FGF13: variants seen among roughly 807,000 people sequenced by gnomAD.
FGF13 encodes fibroblast growth factor 13.
In FGF13, 2 loss-of-function variants were observed where a neutral mutation model predicts 19.5. The ratio of observed to expected loss-of-function variants is 0.10; its 90% CI spans 0.04 to 0.32. The LOEUF is 0.32. FGF13 is among the 10% of genes least tolerant of loss of function. The probability of loss-of-function intolerance (pLI) is 1.00; values close to 1 mark genes in which losing one functional copy is unlikely to be tolerated. For synonymous variants in FGF13, 72 were observed against 76.9 expected (o/e 0.94, Z 0.33); for missense variants, 113 against 192.7 (o/e 0.59, Z 2.45).
chrX:138,895,551 G>T (rs2091499931), intron 1 of FGF13, among the ~76,000 whole-genome samples: 1 of 111,996 alleles, frequency 8.9e-6, no homozygotes, highest in Non-Finnish European at 1.9e-5. Context: ...TTTGTACAGT[G>T]TTAGTGGGAA....
At chrX:139,048,563 GTT>G (rs754951194) in intron 1 of FGF13, among the ~76,000 whole-genome samples, 940 of 88,672 alleles carry the variant, frequency 0.011, 16 homozygotes, top group African/African-American at 0.035. Context: ...TACAGCTCTT[GTT>G]TTTTTTTTTT....
intron 1 of FGF13, among the ~76,000 whole-genome samples, chrX:139,099,377 C>CAAAAAAAAAAAAAAAAAAAA (rs59882808): frequency 2.1e-4 from 7 of 32,951 alleles, no homozygotes; most frequent in African/African-American, 3.3e-4. Context: ...GTTTCTATCT[C>CAAAAAAAAAAAAAAAAAAAA]AAAAAAAAAA....
chrX:138,801,028 C>T (rs1391536840), intron 3 of FGF13, among the ~76,000 whole-genome samples: 1 of 112,010 alleles, frequency 8.9e-6, no homozygotes, highest in Non-Finnish European at 1.9e-5. Context: ...GCAGAACATG[C>T]TCCCTTAGCT....
At chrX:138,842,795 A>C (rs2091158244) in intron 3 of FGF13, among the ~76,000 whole-genome samples, 1 of 110,979 alleles carries the variant, frequency 9.0e-6, no homozygotes, top group Admixed American at 9.7e-5. Context: ...TTGACAACAG[A>C]ATTATCTAGC....
At chrX:139,103,974 T>A (rs1415665005) in intron 1 of FGF13, among the ~76,000 whole-genome samples, 2 of 111,541 alleles carry the variant, frequency 1.8e-5, no homozygotes, top group Non-Finnish European at 3.8e-5. Context: ...CAGATCTGCC[T>A]CGGCCACTAA....
intron 1 of FGF13, among the ~76,000 whole-genome samples, chrX:139,009,699 C>T (rs2092119843): frequency 9.0e-6 from 1 of 111,318 alleles, no homozygotes; most frequent in Admixed American, 9.6e-5. Flanking sequence ...AATAGAACCT[C>T]ATTAAAGCAT....
intron 1 of FGF13, among the ~76,000 whole-genome samples, chrX:138,957,303 C>G (rs922733809): frequency 2.7e-5 from 3 of 111,913 alleles, no homozygotes; most frequent in Admixed American, 1.9e-4. Flanking sequence ...AAGCTTGGCA[C>G]AGCTGCTGGG....
rs142568876 is a variant in FGF13 at position 138,934,206 on chromosome X, G to C, written c.-112-69556C>G. On this transcript the variant is annotated intron_variant, in intron 1 of 2. Coordinates refer to the FGF13 transcript ENST00000421460. ...AGGGGCTCCTACACTACTCAGATAT[G>C]TGGCAAGTAGAGGAACAATTATACC... Among the ~76,000 whole-genome samples the C allele has an allele frequency of 5.1e-3, 564 of 111,614 alleles. 1 individual carries two copies. Among genetic ancestry groups the C allele is most frequent in the Non-Finnish European group, 7.1e-3 (375 of 53,173 alleles).
At chrX:139,013,360 G>C (rs1204091455) in intron 1 of FGF13, among the ~76,000 whole-genome samples, 9 of 107,400 alleles carry the variant, frequency 8.4e-5, no homozygotes, top group Middle Eastern at 4.8e-3. Context: ...CCAGAGGAAA[G>C]GAAGTCATTA....
intron 1 of FGF13, among the ~76,000 whole-genome samples, chrX:138,882,751 C>A (rs1205957110): frequency 1.8e-5 from 2 of 111,571 alleles, no homozygotes; most frequent in Non-Finnish European, 3.8e-5. Flanking sequence ...AACAGCCGAA[C>A]CCTTTGTTCA....
intron 1 of FGF13, among the ~76,000 whole-genome samples, chrX:139,015,393 T>C (rs1184714932): frequency 1.8e-5 from 2 of 111,081 alleles, no homozygotes; most frequent in Admixed American, 9.6e-5. Context: ...AAAGTCAACA[T>C]ACAAAAATCA....
intron 3 of FGF13, among the ~76,000 whole-genome samples, chrX:138,657,840 G>A (rs2089452815): frequency 8.9e-6 from 1 of 112,069 alleles, no homozygotes; most frequent in African/African-American, 3.2e-5. Context: ...ATCACAATCT[G>A]AAATATGTCA....
chrX:138,936,585 G>A lies in FGF13; in HGVS notation c.-112-71935C>T, dbSNP rs1320496497. On this transcript the variant is annotated intron_variant, in intron 1 of 2. Transcript: ENST00000421460. ...GGGAGCTGAGTTCCTTGACAGCAGGGACCTGATGTCATTCACCTGTGTACC... is the reference window on the plus strand; with the variant it reads ...GGGAGCTGAGTTCCTTGACAGCAGGAACCTGATGTCATTCACCTGTGTACC... Among the ~76,000 whole-genome samples, 3 of 112,062 alleles carry A rather than the reference G, an allele frequency of 2.7e-5. No homozygotes were observed. In the East Asian group the frequency reaches 8.4e-4, roughly 32 times the overall value.
chrX:138,641,528 A>T (rs1602644780), intron 3 of FGF13, among the ~76,000 whole-genome samples: 1 of 112,485 alleles, frequency 8.9e-6, no homozygotes, highest in African/African-American at 3.2e-5. Flanking sequence ...TGAAATTAAT[A>T]TGCAGATTAA....
At chrX:138,783,797 C>T (rs1259668680) in intron 3 of FGF13, among the ~76,000 whole-genome samples, 16 of 109,916 alleles carry the variant, frequency 1.5e-4, no homozygotes, top group Admixed American at 6.8e-4. Context: ...CCATTTGACG[C>T]AGCCATCCCA....
In FGF13 at chrX:138,615,181, A is replaced by G. The variant is rs2088957901; in HGVS notation, c.*17669T>C. 9.1e-6 allele frequency: 1 copy of G among 110,111 alleles called. No homozygotes were observed. The highest frequency in any genetic ancestry group is 1.9e-5 in the Non-Finnish European group (1 of 52,575). The allele number at this position is 110,111 out of a possible 1,213,427, so 9.1% of individuals were successfully genotyped here. A position where few individuals can be genotyped will look rare whatever the true frequency, so the allele number is the denominator to read the frequency against. On this transcript the variant is annotated 3_prime_UTR_variant, in exon 5 of 5. Transcript: ENST00000315930. Reference sequence around the variant, plus strand: ...GACCTACACACATAAACGTGCACGCACACACACACACACATACAAATTAGT... The same window carrying G: ...GACCTACACACATAAACGTGCACGCGCACACACACACACATACAAATTAGT...
chrX:138,824,790 G>C (rs1013608580), intron 3 of FGF13, among the ~76,000 whole-genome samples: 1 of 111,589 alleles, frequency 9.0e-6, no homozygotes, highest in Non-Finnish European at 1.9e-5. Flanking sequence ...ATGTTACAAA[G>C]TCTCTAACTC....
chrX:138,860,871 G>T (rs745782909), intron 2 of FGF13, among the ~76,000 whole-genome samples: 1 of 112,089 alleles, frequency 8.9e-6, no homozygotes, highest in African/African-American at 3.2e-5. Flanking sequence ...AGTGCCCCCA[G>T]CCTCGAAAAC....
chrX:139,025,591 A>G, intron 1 of FGF13, among the ~76,000 whole-genome samples: 1 of 111,194 alleles, frequency 9.0e-6, no homozygotes, highest in Admixed American at 9.5e-5. Flanking sequence ...GTCCCTTCCT[A>G]TATCTCAAAC....
Sources: allele counts gnomAD v4.1 joint callset (sites outside exome capture counted in the v4.1 genomes callset), GRCh38; gene constraint gnomAD v4.1.1; transcripts MANE v1.5; gene names NCBI Gene and HGNC (gene_info 2026-07-23, HGNC 2026-07-21).